Variants in DCAF8L2 observed in about 807,000 individuals in gnomAD.
The protein encoded by DCAF8L2 is DDB1- and CUL4-associated factor 8-like protein 2.
For missense variants in DCAF8L2, 430 were observed against 490.7 expected, an observed-to-expected ratio of 0.88 and a Z score of 1.17; for synonymous variants, 200 against 190.9, an observed-to-expected ratio of 1.05 and a Z score of -0.39.
At chrX:27,535,155 T>C in the DCAF8L2 span, among the ~76,000 whole-genome samples, 1 of 111,937 alleles carries the variant, frequency 8.9e-6, no homozygotes, top group Non-Finnish European at 1.9e-5. Flanking sequence ...TGTATGTAGC[T>C]CGGTCTTTTT....
the DCAF8L2 span, among the ~76,000 whole-genome samples, chrX:27,502,329 AAAAAAAATATATATATATATAT>A: frequency 6.2e-5 from 2 of 32,111 alleles, no homozygotes; most frequent in Admixed American, 4.8e-4. Context: ...AAAAAAAAAA[AAAAAAAATATATATATATATAT>A]ATATATATAT....
chrX:27,742,694 T>C (rs1489855038), intron 4 of DCAF8L2, among the ~76,000 whole-genome samples: 1 of 112,278 alleles, frequency 8.9e-6, no homozygotes, highest in African/African-American at 3.2e-5. Context: ...TAAAAGTCTA[T>C]GCTCTTGCAA....
intron 3 of DCAF8L2, among the ~76,000 whole-genome samples, chrX:27,690,099 G>A (rs148894860): frequency 0.013 from 1,410 of 110,714 alleles, 9 homozygotes; most frequent in Non-Finnish European, 0.02. Context: ...AGAGACGGAG[G>A]GACTAAATCA....
chrX:27,511,344 C>T, the DCAF8L2 span, among the ~76,000 whole-genome samples: 1 of 110,825 alleles, frequency 9.0e-6, no homozygotes, highest in Non-Finnish European at 1.9e-5. Flanking sequence ...AGAATTTTCC[C>T]TTATACACAG....
At chrX:27,704,260 A>ATACG (rs1555930723) in intron 3 of DCAF8L2, among the ~76,000 whole-genome samples, 5 of 97,845 alleles carry the variant, frequency 5.1e-5, no homozygotes, top group Non-Finnish European at 9.9e-5. Context: ...GTATGTACGT[A>ATACG]TATATACGTA....
At chrX:27,589,018 T>G, upstream of DCAF8L2, among the ~76,000 whole-genome samples, 1 of 112,117 alleles carries the variant, frequency 8.9e-6, no homozygotes, top group Non-Finnish European at 1.9e-5. Context: ...AGATTACTTG[T>G]AAGCATTGGA....
At chrX:27,540,119 C>T in the DCAF8L2 span, among the ~76,000 whole-genome samples, 5 of 111,361 alleles carry the variant, frequency 4.5e-5, no homozygotes, top group African/African-American at 6.5e-5. Flanking sequence ...AGCCACAAAC[C>T]TCTTGTCTGT....
chrX:27,558,471 A>G, the DCAF8L2 span, among the ~76,000 whole-genome samples: 1 of 111,423 alleles, frequency 9.0e-6, no homozygotes, highest in African/African-American at 3.3e-5. Flanking sequence ...GGGTATAATA[A>G]GTGTTTGACA....
At chrX:27,569,795 T>G in the DCAF8L2 span, among the ~76,000 whole-genome samples, 3,263 of 111,726 alleles carry the variant, frequency 0.029, 111 homozygotes, top group African/African-American at 0.099. Flanking sequence ...AAAACTCTGT[T>G]AATACGCTAG....
At chrX:27,492,345 T>C in the DCAF8L2 span, among the ~76,000 whole-genome samples, 2 of 112,449 alleles carry the variant, frequency 1.8e-5, no homozygotes, top group Non-Finnish European at 3.8e-5. Context: ...AACTTTTGAC[T>C]ATTACATATA....
intron 3 of DCAF8L2, among the ~76,000 whole-genome samples, chrX:27,711,164 T>TA (rs1925406145): frequency 1.8e-5 from 2 of 111,240 alleles, no homozygotes; most frequent in Admixed American, 1.9e-4. Context: ...GTAGATAAAT[T>TA]ACCCTCCTTA....
At chrX:27,632,846 A>G (rs1284259737) in intron 2 of DCAF8L2, 2 of 111,290 alleles carry the variant, frequency 1.8e-5, no homozygotes, top group Non-Finnish European at 1.9e-5. Flanking sequence ...TTATTTATTT[A>G]CTGTATGTAT....
chrX:27,474,823 A>T, the DCAF8L2 span, among the ~76,000 whole-genome samples: 4 of 111,397 alleles, frequency 3.6e-5, no homozygotes, highest in East Asian at 1.2e-3. Context: ...CACTGCTTAG[A>T]GTTCTGAGAG....
chrX:27,512,908 T>A, the DCAF8L2 span, among the ~76,000 whole-genome samples: 5 of 96,590 alleles, frequency 5.2e-5, no homozygotes, highest in East Asian at 1.7e-3. Flanking sequence ...CGCAGACCAA[T>A]AAAACAGAGT....
At chrX:27,671,482 C>G (rs1569177985) in intron 2 of DCAF8L2, among the ~76,000 whole-genome samples, 1 of 111,854 alleles carries the variant, frequency 8.9e-6, no homozygotes, top group South Asian at 3.7e-4. Context: ...CTGCCATATT[C>G]CAAATTCACA....
At chrX:27,713,798 G>C (rs1931606434) in intron 3 of DCAF8L2, among the ~76,000 whole-genome samples, 1 of 111,385 alleles carries the variant, frequency 9.0e-6, no homozygotes, top group African/African-American at 3.3e-5. Context: ...AATGAAACTT[G>C]ATTTACTAAC....
the DCAF8L2 span, chrX:27,517,962 G>A: frequency 2.5e-6 from 3 of 1,194,150 alleles, no homozygotes; most frequent in Non-Finnish European, 3.4e-6. Flanking sequence ...TTTTTGGGCT[G>A]CAGTATGTAG....
the DCAF8L2 span, among the ~76,000 whole-genome samples, chrX:27,488,756 G>C: frequency 1.0e-4 from 11 of 110,221 alleles, no homozygotes; most frequent in Non-Finnish European, 1.7e-4. Context: ...TCCCAGGTTC[G>C]AGCTATCCTC....
chrX:27,553,719 A>T, the DCAF8L2 span, among the ~76,000 whole-genome samples: 10 of 111,206 alleles, frequency 9.0e-5, no homozygotes, highest in Non-Finnish European at 1.5e-4. Flanking sequence ...GGTTATTGAT[A>T]GGTAAGGGTT....
Sources: allele counts gnomAD v4.1 joint callset (sites outside exome capture counted in the v4.1 genomes callset), GRCh38; gene constraint gnomAD v4.1.1; transcripts MANE v1.5; gene names NCBI Gene and HGNC (gene_info 2026-07-23, HGNC 2026-07-21).